Variants in RXRA observed in about 807,000 individuals in gnomAD.
RXRA encodes retinoic acid receptor RXR-alpha.
Under a neutral mutation model 44.5 loss-of-function variants are expected in RXRA, and 5 were observed. The observed-to-expected ratio is 0.11, with a 90% confidence interval of 0.06 to 0.24. The LOEUF (loss-of-function observed/expected upper bound fraction) is 0.24. Ranked by LOEUF, RXRA falls within the 10% of genes least tolerant of loss-of-function variation. The pLI is 1.00. For missense variants in RXRA, 412 were observed against 646.5 expected, an observed-to-expected ratio of 0.64 and a Z score of 3.93; for synonymous variants, 291 against 271.4, an observed-to-expected ratio of 1.07 and a Z score of -0.71.
chr9:134,425,819 G>T, intron 6 of RXRA: 2 of 985,398 alleles, frequency 2.0e-6, no homozygotes, highest in Non-Finnish European at 2.4e-6. Context: ...ACTCTGGGGG[G>T]GCCCTGCCCT....
intron 1 of RXRA, chr9:134,379,660 G>A: frequency 1.0e-6 from 1 of 985,362 alleles, no homozygotes; most frequent in Non-Finnish European, 1.2e-6. Flanking sequence ...CCACCCTGCG[G>A]TCCTGGGAGG....
At chr9:134,360,409 G>A (rs1830335741) in intron 1 of RXRA, among the ~76,000 whole-genome samples, 1 of 152,182 alleles carries the variant, frequency 6.6e-6, no homozygotes, top group South Asian at 2.1e-4. Context: ...GGAGTTCTGG[G>A]TTCGAGCTCT....
chr9:134,333,743 C>G (rs1262569396), intron 1 of RXRA, among the ~76,000 whole-genome samples: 3 of 152,210 alleles, frequency 2.0e-5, no homozygotes, highest in Non-Finnish European at 4.4e-5. Flanking sequence ...AGTGTCCACA[C>G]TGGCCCTGGG....
intron 6 of RXRA, chr9:134,423,330 G>A (rs957463468): frequency 1.0e-6 from 1 of 985,344 alleles, no homozygotes; most frequent in East Asian, 1.1e-4. Flanking sequence ...GGGTGTCCCA[G>A]CTGCCTAGAG....
intron 1 of RXRA, among the ~76,000 whole-genome samples, chr9:134,355,365 C>T (rs548348480): frequency 1.3e-5 from 2 of 152,338 alleles, no homozygotes; most frequent in South Asian, 4.1e-4. Context: ...TGGACAGATC[C>T]CCCGACTCCT....
intron 1 of RXRA, among the ~76,000 whole-genome samples, chr9:134,336,109 C>G (rs1240761093): frequency 6.6e-6 from 1 of 152,172 alleles, no homozygotes; most frequent in African/African-American, 2.4e-5. Flanking sequence ...GGAGGCGGGG[C>G]CTTCGTCAGG....
intron 1 of RXRA, among the ~76,000 whole-genome samples, chr9:134,337,327 T>C (rs1034047838): frequency 6.6e-6 from 1 of 152,146 alleles, no homozygotes. Context: ...TGTCTGTCCG[T>C]CCGTCCATCC....
intron 1 of RXRA, among the ~76,000 whole-genome samples, chr9:134,382,124 G>GT (rs1002250720): frequency 1.0e-4 from 5 of 49,590 alleles, no homozygotes; most frequent in Non-Finnish European, 3.7e-4. Context: ...CTGCCAGGAT[G>GT]TGGGGGGGCG....
At chr9:134,326,939 C>T (rs1403637742) in intron 1 of RXRA, among the ~76,000 whole-genome samples, 1 of 150,532 alleles carries the variant, frequency 6.6e-6, no homozygotes, top group African/African-American at 2.4e-5. Flanking sequence ...TCCCGCTCAC[C>T]GGCGGCCGCC....
chr9:134,421,096 C>T (rs576025223), intron 5 of RXRA, among the ~76,000 whole-genome samples: 7 of 152,356 alleles, frequency 4.6e-5, no homozygotes, highest in African/African-American at 1.7e-4. Flanking sequence ...GTCAGCTCGC[C>T]GCACCTGCCT....
intron 1 of RXRA, among the ~76,000 whole-genome samples, chr9:134,348,006 G>A (rs1183940829): frequency 1.3e-5 from 2 of 152,140 alleles, no homozygotes; most frequent in African/African-American, 4.8e-5. Flanking sequence ...TCATGGCCAT[G>A]GCTGTGGGGA....
intron 1 of RXRA, among the ~76,000 whole-genome samples, chr9:134,327,096 C>G (rs1191892383): frequency 7.9e-5 from 12 of 152,056 alleles, no homozygotes; most frequent in Non-Finnish European, 1.6e-4. Flanking sequence ...GCCGCCCGCC[C>G]GTCGGGCTGC....
At chr9:134,345,564 G>T (rs950239659) in intron 1 of RXRA, among the ~76,000 whole-genome samples, 10 of 152,174 alleles carry the variant, frequency 6.6e-5, no homozygotes, top group African/African-American at 2.4e-4. Context: ...CACATGTCTG[G>T]CCTGGCTGCA....
chr9:134,336,744 A>G (rs1397665016), intron 1 of RXRA, among the ~76,000 whole-genome samples: 1 of 152,202 alleles, frequency 6.6e-6, no homozygotes, highest in Non-Finnish European at 1.5e-5. Flanking sequence ...AGTTTGTGGC[A>G]CGAATTCATG....
intron 1 of RXRA, among the ~76,000 whole-genome samples, chr9:134,370,427 G>C (rs947714262): frequency 1.3e-5 from 2 of 152,216 alleles, no homozygotes; most frequent in Non-Finnish European, 2.9e-5. Context: ...CTCACCTCGG[G>C]ACCCCACATT....
At chr9:134,408,651 G>A (rs1480269739) in intron 3 of RXRA, among the ~76,000 whole-genome samples, 1 of 152,254 alleles carries the variant, frequency 6.6e-6, no homozygotes, top group Non-Finnish European at 1.5e-5. Context: ...ACCCCCAACG[G>A]CCTGAGAGGG....
intron 1 of RXRA, among the ~76,000 whole-genome samples, chr9:134,337,007 G>A (rs971132081): frequency 1.3e-4 from 20 of 152,188 alleles, no homozygotes; most frequent in Non-Finnish European, 2.9e-4. Flanking sequence ...GGGGCCCTGG[G>A]TGGGAGCTGA....
intron 1 of RXRA, among the ~76,000 whole-genome samples, chr9:134,368,284 C>T (rs995738915): frequency 2.0e-5 from 3 of 152,206 alleles, no homozygotes; most frequent in African/African-American, 7.2e-5. Context: ...CAGCCAGGTG[C>T]CTGTGAGGTG....
intron 1 of RXRA, among the ~76,000 whole-genome samples, chr9:134,336,802 G>A (rs1210060539): frequency 4.6e-5 from 7 of 152,214 alleles, no homozygotes; most frequent in South Asian, 4.1e-4. Flanking sequence ...GAAATGTGAC[G>A]GGTGAGCCCG....
Sources: gnomAD v4.1 joint callset for allele counts (sites outside exome capture counted in the v4.1 genomes callset) on GRCh38, gnomAD v4.1.1 for gene constraint, MANE v1.5 for transcripts, NCBI Gene and HGNC (gene_info 2026-07-23, HGNC 2026-07-21) for gene names.